Variants in PCDH7 observed in about 807,000 individuals in gnomAD.
PCDH7 encodes protocadherin 7.
A neutral mutation model predicts 58.9 loss-of-function variants in PCDH7; 17 were observed. The ratio of observed to expected loss-of-function variants is 0.29; its 90% confidence interval spans 0.20 to 0.43. The LOEUF is 0.43. PCDH7 is among the 20% of genes least tolerant of loss of function. The probability of loss-of-function intolerance (pLI) is 1.00; values close to 1 mark genes in which losing one functional copy is unlikely to be tolerated. For synonymous variants in PCDH7, 664 were observed against 616.4 expected (o/e 1.08, Z -1.14); for missense variants, 1,274 against 1,441.0 (o/e 0.88, Z 1.88).
chr4:31,142,653 A>T, exon 4 of PCDH7: 1 of 1,367,806 alleles, frequency 7.3e-7, no homozygotes, highest in Middle Eastern at 2.1e-4. Flanking sequence ...AAGCTGGCCA[A>T]TGGGGAGGCC....
chr4:30,790,191 C>A (rs999777972), intron 1 of PCDH7, among the ~76,000 whole-genome samples: 1 of 152,194 alleles, frequency 6.6e-6, no homozygotes, highest in African/African-American at 2.4e-5. Flanking sequence ...TCTAATATTT[C>A]TCTGATGACT....
intron 3 of PCDH7, among the ~76,000 whole-genome samples, chr4:30,995,428 T>C (rs999259724): frequency 6.6e-6 from 1 of 151,468 alleles, no homozygotes; most frequent in African/African-American, 2.4e-5. Context: ...AGGAGACTGG[T>C]GTGAACCCGA....
intron 1 of PCDH7, among the ~76,000 whole-genome samples, chr4:30,888,304 A>ACG (rs1285714141): frequency 1.3e-5 from 2 of 152,154 alleles, no homozygotes; most frequent in African/African-American, 4.8e-5. Context: ...ACACACACAC[A>ACG]GAATCTGATA....
chr4:30,794,454 T>A (rs1409853759), intron 1 of PCDH7, among the ~76,000 whole-genome samples: 1 of 152,192 alleles, frequency 6.6e-6, no homozygotes, highest in Non-Finnish European at 1.5e-5. Flanking sequence ...TCTTAAAAAT[T>A]GTTCCATAGC....
chr4:31,118,089 C>A (rs1321279241), intron 3 of PCDH7, among the ~76,000 whole-genome samples: 2 of 152,198 alleles, frequency 1.3e-5, no homozygotes, highest in African/African-American at 4.8e-5. Flanking sequence ...GTTTCCTCCA[C>A]AATCCCTGGG....
intron 3 of PCDH7, among the ~76,000 whole-genome samples, chr4:31,072,348 T>A (rs1295320669): frequency 6.6e-6 from 1 of 152,106 alleles, no homozygotes; most frequent in African/African-American, 2.4e-5. Flanking sequence ...AGATCATATA[T>A]GTCTCACTTA....
intron 3 of PCDH7, among the ~76,000 whole-genome samples, chr4:31,114,786 G>A (rs1444276158): frequency 6.6e-6 from 1 of 151,976 alleles, no homozygotes; most frequent in South Asian, 2.1e-4. Flanking sequence ...CAAAATTCCT[G>A]TTATTTAATC....
intron 1 of PCDH7, among the ~76,000 whole-genome samples, chr4:30,781,167 C>T (rs546378583): frequency 6.6e-6 from 1 of 151,960 alleles, no homozygotes; most frequent in South Asian, 2.1e-4. Context: ...ATGATTTTAA[C>T]AGCCAGTGAG....
chr4:30,724,844 T>C, intron 1 of PCDH7: 1 of 1,309,546 alleles, frequency 7.6e-7, no homozygotes, highest in African/African-American at 1.5e-5. Flanking sequence ...AGGCAGTGTT[T>C]GGCAGTTCTC....
At chr4:30,823,077 G>A (rs1728577286) in intron 1 of PCDH7, among the ~76,000 whole-genome samples, 1 of 152,102 alleles carries the variant, frequency 6.6e-6, no homozygotes, top group East Asian at 1.9e-4. Flanking sequence ...TGAACAGTTT[G>A]GTTACTGTAT....
intron 1 of PCDH7, among the ~76,000 whole-genome samples, chr4:30,832,756 G>A (rs1263544484): frequency 1.3e-5 from 2 of 152,184 alleles, no homozygotes; most frequent in Non-Finnish European, 2.9e-5. Flanking sequence ...TACCAGATAT[G>A]CAGATATGAA....
downstream of PCDH7, chr4:31,143,433 A>T (rs948924206): frequency 6.6e-6 from 1 of 152,216 alleles, no homozygotes; most frequent in African/African-American, 2.4e-5. Context: ...TGGGAATATC[A>T]AAGCTTTAAT....
chr4:30,767,045 T>C (rs1285551444), intron 1 of PCDH7, among the ~76,000 whole-genome samples: 1 of 152,164 alleles, frequency 6.6e-6, no homozygotes. Flanking sequence ...CTGATACTTT[T>C]TTTTTTCTTA....
intron 3 of PCDH7, among the ~76,000 whole-genome samples, chr4:31,018,771 C>A (rs949680153): frequency 2.6e-5 from 4 of 152,162 alleles, no homozygotes; most frequent in Admixed American, 2.6e-4. Context: ...GCTTCTCCAA[C>A]CATGATTTTC....
At position 31,110,863 on chromosome 4, in the gene PCDH7, C is replaced by T. The variant is rs953073211; in HGVS notation, c.*8-31610C>T. On this transcript the variant is annotated intron_variant, in intron 3 of 3. Coordinates refer to the PCDH7 transcript ENST00000509759. ...CTGGGAGGCGGAGCTTGTAGTGAGC[C>T]AAGATTATGTCACTGCACTTCCGCC... 3.3e-5 allele frequency among the ~76,000 whole-genome samples: 5 copies of T among 150,236 alleles called. No homozygotes were observed. The Middle Eastern group carries it at 0.014, about 412-fold the overall frequency.
intron 3 of PCDH7, among the ~76,000 whole-genome samples, chr4:31,047,387 T>C (rs1041286464): frequency 3.3e-5 from 5 of 152,036 alleles, no homozygotes; most frequent in South Asian, 2.1e-4. Flanking sequence ...ATCTTTTTTG[T>C]TTTTAAATTC....
At chr4:31,014,501 T>A (rs1459303046) in intron 3 of PCDH7, among the ~76,000 whole-genome samples, 2 of 152,108 alleles carry the variant, frequency 1.3e-5, no homozygotes, top group African/African-American at 4.8e-5. Context: ...GGGACAGGAC[T>A]GGACTGAACT....
At chr4:30,961,578 A>T (rs1392932903) in intron 3 of PCDH7, among the ~76,000 whole-genome samples, 1 of 152,126 alleles carries the variant, frequency 6.6e-6, no homozygotes, top group African/African-American at 2.4e-5. Flanking sequence ...AAACAAAAAA[A>T]AACCTTGGCA....
At chr4:30,851,721 G>A (rs536057435) in intron 1 of PCDH7, among the ~76,000 whole-genome samples, 1 of 151,988 alleles carries the variant, frequency 6.6e-6, no homozygotes, top group Non-Finnish European at 1.5e-5. Context: ...AACCACTACT[G>A]AGTGTAGTAA....
Sources: allele counts gnomAD v4.1 joint callset (sites outside exome capture counted in the v4.1 genomes callset), GRCh38; gene constraint gnomAD v4.1.1; transcripts MANE v1.5; gene names NCBI Gene and HGNC (gene_info 2026-07-23, HGNC 2026-07-21).